The following MSRA variants were observed in gnomAD, a reference collection of about 807,000 sequenced individuals.
MSRA encodes the protein methionine sulfoxide reductase A.
In MSRA, 54 loss-of-function variants were observed where a neutral mutation model predicts 31.3. That is an observed-to-expected ratio of 1.73 (90% CI 1.39 to 2.17). MSRA has a LOEUF of 2.17. Among genes scored for constraint, MSRA ranks in the 30% most tolerant of loss-of-function variants. MSRA has a pLI of 0.00. For synonymous variants in MSRA, 169 were observed against 116.5 expected, an observed-to-expected ratio of 1.45 and a Z score of -2.90; for missense variants, 507 against 300.9, an observed-to-expected ratio of 1.69 and a Z score of -5.07.
At chr8:10,213,628 G>A (rs546032613) in intron 2 of MSRA, among the ~76,000 whole-genome samples, 48 of 151,892 alleles carry the variant, frequency 3.2e-4, no homozygotes, top group African/African-American at 1.1e-3. Flanking sequence ...AGTAGAGACG[G>A]GGTTTCACCA....
At chr8:10,174,105 C>T (rs1157495286) in intron 1 of MSRA, among the ~76,000 whole-genome samples, 1 of 152,120 alleles carries the variant, frequency 6.6e-6, no homozygotes, top group Non-Finnish European at 1.5e-5. Flanking sequence ...CCAATTAGAC[C>T]AGTAATGGAG....
intron 3 of MSRA, among the ~76,000 whole-genome samples, chr8:10,256,419 G>A (rs952451217): frequency 3.9e-5 from 6 of 152,164 alleles, no homozygotes; most frequent in Non-Finnish European, 7.3e-5. Context: ...TACGGATGAA[G>A]CTGCTGTCAA....
intron 1 of MSRA, among the ~76,000 whole-genome samples, chr8:10,064,599 G>A (rs938904087): frequency 3.9e-5 from 6 of 152,084 alleles, no homozygotes; most frequent in African/African-American, 4.8e-5. Context: ...TAGGAACATC[G>A]GATGTCTTCC....
At chr8:10,130,112 A>T (rs1801790668) in intron 1 of MSRA, among the ~76,000 whole-genome samples, 1 of 152,156 alleles carries the variant, frequency 6.6e-6, no homozygotes, top group Non-Finnish European at 1.5e-5. Flanking sequence ...GTGCTATTGG[A>T]TGTATCAAGG....
rs185528546 is a variant in MSRA, at chr8:10,405,433, C to G, written c.544-22715C>G. Reference sequence around the variant, plus strand: ...CCAAGTCACTGCTGTTCCATCATGGCAGAAGGAAGATGAGCTCTCTGCCAG... The same window carrying G: ...CCAAGTCACTGCTGTTCCATCATGGGAGAAGGAAGATGAGCTCTCTGCCAG... On this transcript the variant is annotated intron_variant, in intron 5 of 5. Transcript: ENST00000317173. Among the ~76,000 whole-genome samples the G allele has an allele frequency of 4.1e-4, 63 of 152,306 alleles. No homozygotes were observed. In the East Asian group the frequency reaches 0.011, roughly 28 times the overall value.
chr8:10,235,570 A>G (rs746831478), intron 2 of MSRA, among the ~76,000 whole-genome samples: 12 of 152,296 alleles, frequency 7.9e-5, no homozygotes, highest in Non-Finnish European at 1.5e-4. Flanking sequence ...GAAAGGAAAG[A>G]TGATAAAGAG....
At chr8:10,302,144 T>C (rs973476204) in intron 4 of MSRA, among the ~76,000 whole-genome samples, 8 of 152,268 alleles carry the variant, frequency 5.3e-5, no homozygotes, top group Non-Finnish European at 1.0e-4. Flanking sequence ...CTTGCTCATT[T>C]AAATATTTCA....
intron 5 of MSRA, among the ~76,000 whole-genome samples, chr8:10,341,020 G>C (rs1275676165): frequency 6.6e-6 from 1 of 152,178 alleles, no homozygotes; most frequent in African/African-American, 2.4e-5. Flanking sequence ...CCTTAATTTA[G>C]ATGCCAAGTG....
At chr8:10,140,176 T>C (rs1802589611) in intron 1 of MSRA, among the ~76,000 whole-genome samples, 1 of 152,184 alleles carries the variant, frequency 6.6e-6, no homozygotes. Flanking sequence ...AACAGAGGGA[T>C]ACTCAGCAAG....
intron 1 of MSRA, among the ~76,000 whole-genome samples, chr8:10,109,060 AGGTTCTGGCC>A (rs1800095142): frequency 6.6e-6 from 1 of 152,182 alleles, no homozygotes. Context: ...TCAACTCTCT[AGGTTCTGGCC>A]AGCGCATTCC....
At chr8:10,222,654 C>A (rs1275465615) in intron 2 of MSRA, among the ~76,000 whole-genome samples, 1 of 152,140 alleles carries the variant, frequency 6.6e-6, no homozygotes, top group Non-Finnish European at 1.5e-5. Context: ...ACGATTCAGT[C>A]TTAAGAAAGA....
chr8:10,395,400 A>G (rs1807033792), intron 5 of MSRA, among the ~76,000 whole-genome samples: 1 of 152,160 alleles, frequency 6.6e-6, no homozygotes, highest in African/African-American at 2.4e-5. Context: ...GAAAGAGAGT[A>G]GGGAGTGGAG....
intron 1 of MSRA, among the ~76,000 whole-genome samples, chr8:10,057,923 C>T (rs969229176): frequency 5.9e-5 from 9 of 152,154 alleles, no homozygotes; most frequent in Non-Finnish European, 1.0e-4. Context: ...ACACAAAGGC[C>T]GTCTTTCATG....
chr8:10,144,664 A>G (rs1289287591), intron 1 of MSRA, among the ~76,000 whole-genome samples: 2 of 149,542 alleles, frequency 1.3e-5, no homozygotes, highest in Non-Finnish European at 3.0e-5. Context: ...ACCCCCAAGT[A>G]TAATTCTGAT....
At chr8:10,375,130 T>C (rs1395214907) in intron 5 of MSRA, among the ~76,000 whole-genome samples, 1 of 152,238 alleles carries the variant, frequency 6.6e-6, no homozygotes, top group East Asian at 1.9e-4. Flanking sequence ...CAGGTATTCC[T>C]TTATAGCAGT....
chr8:10,424,032 G>T (rs978417672), intron 5 of MSRA, among the ~76,000 whole-genome samples: 3 of 152,254 alleles, frequency 2.0e-5, no homozygotes, highest in African/African-American at 4.8e-5. Flanking sequence ...TTGTAATGCA[G>T]CGTCATCAGC....
intron 3 of MSRA, chr8:10,250,632 T>G (rs1797866226): frequency 3.3e-6 from 2 of 610,148 alleles, no homozygotes; most frequent in South Asian, 4.0e-5. Context: ...CAGCAGAGGT[T>G]TCGAGCAGGA....
At chr8:10,055,384 A>G (rs1343059133) in intron 1 of MSRA, among the ~76,000 whole-genome samples, 1 of 152,240 alleles carries the variant, frequency 6.6e-6, no homozygotes, top group East Asian at 1.9e-4. Context: ...AACTGCTATA[A>G]AAGTTTTCAA....
intron 1 of MSRA, among the ~76,000 whole-genome samples, chr8:10,088,690 C>G (rs1798694821): frequency 6.6e-6 from 1 of 151,960 alleles, no homozygotes; most frequent in Admixed American, 6.6e-5. Context: ...GAGCTGAGAT[C>G]ACACCACTGT....
Sources: allele counts gnomAD v4.1 joint callset (sites outside exome capture counted in the v4.1 genomes callset), GRCh38; gene constraint gnomAD v4.1.1; transcripts MANE v1.5; gene names NCBI Gene and HGNC (gene_info 2026-07-23, HGNC 2026-07-21).